Variants in LAMP2 observed in about 807,000 individuals in gnomAD.
LAMP2 encodes lysosome associated membrane protein 2, also known as lysosome-associated membrane glycoprotein 2.
In LAMP2, 4 loss-of-function variants were observed where a neutral mutation model predicts 25.6. The observed-to-expected ratio is 0.16, with a 90% confidence interval of 0.08 to 0.36. The LOEUF is 0.36. Among genes scored for constraint, LAMP2 ranks in the 10% least tolerant of loss-of-function variants. The pLI is 1.00. For missense variants in LAMP2, 272 were observed against 301.4 expected (o/e 0.90, Z 0.72); for synonymous variants, 108 against 112.7 (o/e 0.96, Z 0.27).
At chrX:120,451,852 T>C (rs1238865702) in intron 3 of LAMP2, among the ~76,000 whole-genome samples, 2 of 112,201 alleles carry the variant, frequency 1.8e-5, no homozygotes, top group Non-Finnish European at 3.8e-5. Flanking sequence ...TTCCAAATAG[T>C]TTCAAATATT....
At chrX:120,463,913 T>C (rs1198727266) in intron 1 of LAMP2, among the ~76,000 whole-genome samples, 1 of 110,254 alleles carries the variant, frequency 9.1e-6, no homozygotes, top group Non-Finnish European at 1.9e-5. Flanking sequence ...CTTCTGTTTT[T>C]CGTTTTTTTT....
Position 120,428,302 on chromosome X carries a change from GA to G in LAMP2, c.*3020del. On this transcript the variant is annotated 3_prime_UTR_variant, in exon 9 of 9. Transcript: ENST00000200639. Reference sequence around the variant, plus strand: ...CTTTAACAAAGGAAGAAAAAAAACAGAAAAAAATTGGTCCTAATATATTTTG... The same window carrying G: ...CTTTAACAAAGGAAGAAAAAAAACAGAAAAAATTGGTCCTAATATATTTTG... The G allele has an allele frequency of 2.1e-6, 1 of 487,010 alleles. No individual in the cohort carries two copies. The highest frequency in any genetic ancestry group is 2.9e-6 in the Non-Finnish European group (1 of 341,241). 40.1% of individuals were successfully genotyped at this position (487,010 alleles called of 1,213,427 possible). A position where few individuals can be genotyped will look rare whatever the true frequency, so the allele number is the denominator to read the frequency against.
At chrX:120,460,880 G>A (rs886928076) in intron 1 of LAMP2, among the ~76,000 whole-genome samples, 1 of 112,091 alleles carries the variant, frequency 8.9e-6, no homozygotes, top group Non-Finnish European at 1.9e-5. Flanking sequence ...GAACCCGGGA[G>A]GCAGAGGTTG....
At position 120,441,873 on chromosome X, in the gene LAMP2, T is replaced by C; in HGVS notation, c.950A>G (p.Asn317Ser). ...NGSVFSIANNNLSYWDAPLGS... is the reference protein window; with the variant it reads ...NGSVFSIANNSLSYWDAPLGS... ...CAGGGGGGCATCCCAGTAGCTGAGATTGTTATTTGCAATGCTGAAAACTTC... is the reference window on the plus strand; with the variant it reads ...CAGGGGGGCATCCCAGTAGCTGAGACTGTTATTTGCAATGCTGAAAACTTC... The change falls in exon 8 of 9, where the codon AAT (asparagine) becomes AGT (serine). Residue 317 changes from asparagine (N) to serine (S), a missense_variant. By Grantham distance (46) the Asn-to-Ser change is conservative (BLOSUM62 1). Transcript: ENST00000200639. The C allele has an allele frequency of 8.3e-7, 1 of 1,210,336 alleles. No individual in the cohort carries two copies. Among genetic ancestry groups the C allele is most frequent in the East Asian group, 3.0e-5 (1 of 33,821 alleles).
rs1770314765 is a variant in LAMP2, at chrX:120,427,524, T to C, written c.*3799A>G. 8.9e-6 allele frequency among the ~76,000 whole-genome samples: 1 copy of C among 111,949 alleles called. No homozygotes were observed. Among genetic ancestry groups the C allele is most frequent in the African/African-American group, 3.2e-5 (1 of 30,821 alleles). ...TGACTGATGACATATCAGGGCCCAC[T>C]AACCTCTAGAGTAAGCACTTGTTGC... On this transcript the variant is annotated 3_prime_UTR_variant, in exon 9 of 9. Coordinates refer to ENST00000200639, the MANE Select transcript of LAMP2 (RefSeq NM_002294.3).
rs576233822 is a variant in LAMP2, at chrX:120,438,731, C to CACACAAAAAA, written c.1093+2998_1093+2999insTTTTTTGTGT. 353 of 708,569 alleles carry CACACAAAAAA rather than the reference C, an allele frequency of 5.0e-4. 1 individual carries two copies. Among genetic ancestry groups the CACACAAAAAA allele is most frequent in the Middle Eastern group, 7.8e-4 (1 of 1,280 alleles). 58.4% of individuals were successfully genotyped at this position (708,569 alleles called of 1,213,427 possible). On this transcript the variant is annotated intron_variant, in intron 8 of 8. Coordinates refer to ENST00000200639, the MANE Select transcript of LAMP2 (RefSeq NM_002294.3). ...ACACACACACACACACACACACACACAAAAAGAGCAAAAGGAGCAAGTACA... is the reference window on the plus strand; with the variant it reads ...ACACACACACACACACACACACACACACACAAAAAAAAAAAGAGCAAAAGGAGCAAGTACA...
chrX:120,457,087 TA>T (rs1453139156), intron 1 of LAMP2, among the ~76,000 whole-genome samples: 1 of 111,414 alleles, frequency 9.0e-6, no homozygotes, highest in African/African-American at 3.3e-5. Context: ...TGGTGACATT[TA>T]TTTGCCTTTT....
chrX:120,454,012 C>T (rs1396028997), intron 3 of LAMP2, among the ~76,000 whole-genome samples: 1 of 111,059 alleles, frequency 9.0e-6, no homozygotes, highest in Non-Finnish European at 1.9e-5. Flanking sequence ...TTCAGTTACC[C>T]ATGGTCAATT....
chrX:120,428,601 G>C lies in LAMP2; in HGVS notation c.*2722C>G. The C allele has an allele frequency of 8.4e-7, 1 of 1,192,306 alleles. No individual in the cohort carries two copies. ...CTGCAACAGGAATAAGAAAGTTGAG[G>C]TCAGAGTCAGCAGAACATTCTTCAG... is the stretch of plus-strand genomic sequence containing the variant. On this transcript the variant is annotated 3_prime_UTR_variant, in exon 9 of 9. Coordinates refer to ENST00000200639, the MANE Select transcript of LAMP2 (RefSeq NM_002294.3).
At chrX:120,437,942 G>A in intron 8 of LAMP2, 1 of 338,534 alleles carries the variant, frequency 3.0e-6, no homozygotes, top group Non-Finnish European at 3.8e-6. Context: ...CGCAACCTCT[G>A]CCTCCCGGGT....
intron 6 of LAMP2, among the ~76,000 whole-genome samples, chrX:120,443,059 C>G (rs1394476420): frequency 1.8e-5 from 2 of 111,741 alleles, no homozygotes; most frequent in African/African-American, 6.5e-5. Flanking sequence ...AAGTACTCAT[C>G]TGATCAGCCA....
Position 120,457,707 on chromosome X carries a change from C to A in LAMP2, c.65-938G>T, listed in dbSNP as rs1294314435. ...TACTAATTCAGAGGAGAAAAAATAT[C>A]CCAGCAAACATGCCAGCAGCATAAA... On this transcript the variant is annotated intron_variant, in intron 1 of 8. Coordinates refer to ENST00000200639, the MANE Select transcript of LAMP2 (RefSeq NM_002294.3). 7.1e-5 allele frequency among the ~76,000 whole-genome samples: 8 copies of A among 112,315 alleles called. No homozygotes were observed. The East Asian group carries it at 2.2e-3, about 31-fold the overall frequency.
At chrX:120,449,357 G>A (rs770489404) in intron 3 of LAMP2, among the ~76,000 whole-genome samples, 1 of 112,740 alleles carries the variant, frequency 8.9e-6, no homozygotes, top group South Asian at 3.6e-4. Flanking sequence ...GCCCATGCCT[G>A]TAATCCCAGC....
intron 8 of LAMP2, among the ~76,000 whole-genome samples, chrX:120,441,300 A>G (rs991714245): frequency 4.5e-5 from 5 of 112,247 alleles, no homozygotes; most frequent in South Asian, 3.7e-4. Flanking sequence ...TGGTAAAAAC[A>G]TAGTTCATGA....
chrX:120,443,641 G>A (rs1239198711), intron 6 of LAMP2, among the ~76,000 whole-genome samples: 2 of 111,612 alleles, frequency 1.8e-5, no homozygotes, highest in Non-Finnish European at 3.8e-5. Context: ...TCATAAAGAG[G>A]GAGTGAAGGC....
At chrX:120,452,326 A>G (rs1037697497) in intron 3 of LAMP2, among the ~76,000 whole-genome samples, 3 of 110,349 alleles carry the variant, frequency 2.7e-5, no homozygotes, top group East Asian at 2.8e-4. Flanking sequence ...CAGCTCTCCA[A>G]TTACTGCCGC....
rs1193980364 is a variant in LAMP2 at position 120,434,975 on chromosome X, A to T, written c.1094-3513T>A. Reference sequence around the variant, plus strand: ...AAAACCCCATCTCTACTAAAAAAATAAAAAGGTAGCCAGGTGTGGTGGCAC... The same window carrying T: ...AAAACCCCATCTCTACTAAAAAAATTAAAAGGTAGCCAGGTGTGGTGGCAC... On this transcript the variant is annotated intron_variant, in intron 8 of 8. Transcript: ENST00000200639. Among the ~76,000 whole-genome samples the T allele has an allele frequency of 3.6e-5, 4 of 111,291 alleles. No homozygotes were observed. In the Admixed American group the frequency reaches 3.8e-4, roughly 11 times the overall value.
intron 8 of LAMP2, chrX:120,436,474 C>A (rs746755393): frequency 2.7e-6 from 2 of 736,109 alleles, no homozygotes; most frequent in African/African-American, 2.3e-5. Flanking sequence ...CTTTAACCAA[C>A]GGGAAAAAAG....
intron 1 of LAMP2, among the ~76,000 whole-genome samples, chrX:120,468,478 C>T (rs1921632708): frequency 1.8e-5 from 2 of 110,698 alleles, no homozygotes; most frequent in Admixed American, 1.9e-4. Context: ...ACTATGACTA[C>T]CAAACTCAAA....
Sources: allele counts gnomAD v4.1 joint callset (sites outside exome capture counted in the v4.1 genomes callset), GRCh38; gene constraint gnomAD v4.1.1; transcripts MANE v1.5; gene names NCBI Gene and HGNC (gene_info 2026-07-23, HGNC 2026-07-21).